Variants in PCDHA13 observed in about 807,000 individuals in gnomAD.
The protein encoded by PCDHA13 is protocadherin alpha-13.
A neutral mutation model predicts 64.8 loss-of-function variants in PCDHA13; 54 were observed. The observed-to-expected ratio is 0.83, with a 90% CI of 0.67 to 1.04. The LOEUF is 1.04. Ranked by LOEUF, PCDHA13 falls within the 50% of genes least tolerant of loss-of-function variation. The pLI is 0.00. For synonymous variants in PCDHA13, 587 were observed against 564.4 expected, an observed-to-expected ratio of 1.04 and a Z score of -0.57; for missense variants, 1,248 against 1,254.3, an observed-to-expected ratio of 0.99 and a Z score of 0.08.
chr5:140,966,068 T>G (rs188069959), intron 1 of PCDHA13: 1 of 153,298 alleles, frequency 6.5e-6, no homozygotes. Context: ...CGCCTCCCCC[T>G]GCGTTGTTTC....
At chr5:140,996,752 GT>G (rs1406262736) in intron 3 of PCDHA13, among the ~76,000 whole-genome samples, 2 of 152,208 alleles carry the variant, frequency 1.3e-5, no homozygotes, top group East Asian at 3.9e-4. Flanking sequence ...AATTATATCT[GT>G]GCAGGACTAA....
chr5:140,938,904 C>A (rs1254151220), intron 1 of PCDHA13, among the ~76,000 whole-genome samples: 1 of 152,070 alleles, frequency 6.6e-6, no homozygotes, highest in Admixed American at 6.5e-5. Context: ...TGCGCACACA[C>A]ACACACGCAC....
intron 1 of PCDHA13, chr5:140,927,529 C>A: frequency 6.2e-7 from 1 of 1,614,098 alleles, no homozygotes; most frequent in South Asian, 1.1e-5. Flanking sequence ...GCTACCTGCC[C>A]GCTCAGGAGA....
Position 140,965,675 on chromosome 5 carries a change from A to C in PCDHA13, c.2395-13274A>C, listed in dbSNP as rs1049081993. 1.3e-4 allele frequency among the ~76,000 whole-genome samples: 20 copies of C among 152,350 alleles called. No homozygotes were observed. The Middle Eastern group carries it at 0.01, about 78-fold the overall frequency. ...AAATGTCTTGGGTGATAAATGTAAA[A>C]GATTTGAAGCAAGATTAGAAAAAGC... On this transcript the variant is annotated intron_variant, in intron 1 of 3. Transcript: ENST00000289272.
chr5:140,884,547 C>G lies in PCDHA13; in HGVS notation c.2279C>G (p.Ser760Cys). 6.2e-7 allele frequency: 1 copy of G among 1,614,214 alleles called. No individual in the cohort carries two copies. Among genetic ancestry groups the G allele is most frequent in the East Asian group, 2.2e-5 (1 of 44,872 alleles). Residue 760 changes from serine to cysteine, a missense_variant, in exon 1 of 4, where the codon TCT becomes TGT. Transcript: ENST00000289272. Reference sequence around the variant, plus strand: ...CAGCAGAGGCGGCCGAGGGTGTGCTCTGGGGAGGGCCCGCATAAGACGGAC... The same window carrying G: ...CAGCAGAGGCGGCCGAGGGTGTGCTGTGGGGAGGGCCCGCATAAGACGGAC... ...YSQQRRPRVC[S>C]GEGPHKTDLM...
At chr5:140,957,225 G>C (rs1585702621) in intron 1 of PCDHA13, among the ~76,000 whole-genome samples, 1 of 152,072 alleles carries the variant, frequency 6.6e-6, no homozygotes, top group Admixed American at 6.6e-5. Flanking sequence ...ATTTGGCGAA[G>C]CATTTTGGCA....
At chr5:140,931,875 T>C (rs1457456146) in intron 1 of PCDHA13, among the ~76,000 whole-genome samples, 3 of 151,982 alleles carry the variant, frequency 2.0e-5, no homozygotes, top group African/African-American at 7.2e-5. Flanking sequence ...AAAATATTTA[T>C]TGCTTTCATT....
chr5:140,909,202 G>A (rs1849054), intron 1 of PCDHA13, among the ~76,000 whole-genome samples: 48,059 of 152,084 alleles, frequency 0.32, 7,957 homozygotes, highest in East Asian at 0.53. Context: ...ACACAAAGCC[G>A]GAGAGTTGAT....
chr5:140,995,353 G>A lies in PCDHA13; in HGVS notation c.2542+12790G>A, dbSNP rs922727759. 8.5e-5 allele frequency among the ~76,000 whole-genome samples: 13 copies of A among 152,138 alleles called. 1 individual carries two copies. The highest frequency in any genetic ancestry group is 4.2e-4 in the South Asian group (2 of 4,804). ...GTAGTGTAGACGGCATGGATAGGTC[G>A]GACAGAGGGATGATTCACGTACTGG... On this transcript the variant is annotated intron_variant, in intron 3 of 3. Transcript: ENST00000289272.
intron 3 of PCDHA13, among the ~76,000 whole-genome samples, chr5:140,999,252 T>C (rs1474093411): frequency 1.3e-5 from 2 of 152,204 alleles, no homozygotes; most frequent in African/African-American, 4.8e-5. Flanking sequence ...GGGAGTTGGA[T>C]TAGTAAAGGA....
chr5:140,949,798 A>G (rs1021470816), intron 1 of PCDHA13, among the ~76,000 whole-genome samples: 1 of 151,786 alleles, frequency 6.6e-6, no homozygotes, highest in South Asian at 2.1e-4. Context: ...GTGTCCTTCA[A>G]TACATTATTT....
At chr5:140,992,251 A>G (rs1554252780) in intron 3 of PCDHA13, among the ~76,000 whole-genome samples, 1 of 152,198 alleles carries the variant, frequency 6.6e-6, no homozygotes, top group Non-Finnish European at 1.5e-5. Flanking sequence ...AAGTAGAGCT[A>G]AAGATGAAAG....
intron 1 of PCDHA13, among the ~76,000 whole-genome samples, chr5:140,923,800 T>C (rs1235494729): frequency 2.0e-5 from 3 of 152,178 alleles, no homozygotes; most frequent in Non-Finnish European, 4.4e-5. Flanking sequence ...TTTTCACAAA[T>C]GAAATCTTCT....
intron 1 of PCDHA13, among the ~76,000 whole-genome samples, chr5:140,888,256 C>A (rs1454353322): frequency 6.6e-6 from 1 of 151,942 alleles, no homozygotes; most frequent in African/African-American, 2.4e-5. Context: ...AGCAGTAGTT[C>A]TTGATAAGAA....
At chr5:140,939,768 G>A (rs1241071492) in intron 1 of PCDHA13, among the ~76,000 whole-genome samples, 1 of 152,162 alleles carries the variant, frequency 6.6e-6, no homozygotes, top group Non-Finnish European at 1.5e-5. Context: ...TAGTATTTCA[G>A]GGTGTGAATG....
In PCDHA13 at chr5:140,978,905, T is replaced by C. The variant is rs782532288; in HGVS notation, c.2395-44T>C. 9 of 1,613,632 alleles carry C rather than the reference T, an allele frequency of 5.6e-6. No homozygotes were observed. In the South Asian group the frequency reaches 9.9e-5, roughly 18 times the overall value. On this transcript the variant is annotated intron_variant, in intron 1 of 3. Coordinates refer to ENST00000289272, the MANE Select transcript of PCDHA13 (RefSeq NM_018904.3). ...AATTAGCAGCATTCCTGGGAGAACA[T>C]TGTCTTGTCATTTTAACAGAAAACT...
chr5:140,933,372 C>T (rs1332069734), intron 1 of PCDHA13, among the ~76,000 whole-genome samples: 2 of 151,918 alleles, frequency 1.3e-5, no homozygotes, highest in African/African-American at 2.4e-5. Flanking sequence ...TCCCAAATTC[C>T]TTGGCTGTTC....
chr5:140,936,003 C>T (rs1362734996), intron 1 of PCDHA13, among the ~76,000 whole-genome samples: 22 of 151,556 alleles, frequency 1.5e-4, no homozygotes, highest in Non-Finnish European at 1.5e-4. Context: ...AGCGATTCTC[C>T]CACCTCAGCC....
chr5:140,908,844 C>G (rs533219921), intron 1 of PCDHA13, among the ~76,000 whole-genome samples: 1 of 152,156 alleles, frequency 6.6e-6, no homozygotes, highest in Non-Finnish European at 1.5e-5. Flanking sequence ...GCTGGAGTAA[C>G]ATACCCAAAT....
Sources: allele counts gnomAD v4.1 joint callset (sites outside exome capture counted in the v4.1 genomes callset), GRCh38; gene constraint gnomAD v4.1.1; transcripts MANE v1.5; gene names NCBI Gene and HGNC (gene_info 2026-07-23, HGNC 2026-07-21).